Variants in SOX5 observed in about 807,000 individuals in gnomAD.
SOX5 encodes transcription factor SOX-5.
A neutral mutation model predicts 92.0 loss-of-function variants in SOX5; 9 were observed. That is an observed-to-expected ratio of 0.10 (90% CI 0.06 to 0.17). The LOEUF (loss-of-function observed/expected upper bound fraction) is 0.17, where lower values mean the gene tolerates loss of function less well. Ranked by LOEUF, SOX5 falls within the 10% of genes least tolerant of loss-of-function variation. The pLI is 1.00. For missense variants in SOX5, 642 were observed against 944.5 expected, an observed-to-expected ratio of 0.68 and a Z score of 4.20; for synonymous variants, 344 against 336.3, an observed-to-expected ratio of 1.02 and a Z score of -0.25.
At chr12:23,978,968 A>G (rs1326013156) in intron 4 of SOX5, among the ~76,000 whole-genome samples, 1 of 152,156 alleles carries the variant, frequency 6.6e-6, no homozygotes, top group Non-Finnish European at 1.5e-5. Flanking sequence ...GCCTTTCTGA[A>G]CTTAAATATT....
chr12:23,767,215 AACACACACACAC>A (rs35485466), intron 3 of SOX5, among the ~76,000 whole-genome samples: 7 of 137,896 alleles, frequency 5.1e-5, no homozygotes, highest in South Asian at 2.5e-4. Flanking sequence ...AAAAAACAGA[AACACACACACAC>A]ACACACACAC....
At chr12:24,095,686 C>T (rs963632355) in intron 4 of SOX5, among the ~76,000 whole-genome samples, 3 of 152,092 alleles carry the variant, frequency 2.0e-5, no homozygotes, top group Admixed American at 6.6e-5. Context: ...CCAGAATCCC[C>T]GCGTGTCAAA....
chr12:23,640,038 T>C (rs1415023481), intron 8 of SOX5, among the ~76,000 whole-genome samples: 2 of 152,208 alleles, frequency 1.3e-5, no homozygotes, highest in Non-Finnish European at 2.9e-5. Context: ...AATCCTATTA[T>C]TAGATAATTT....
At chr12:24,476,388 G>A (rs1054193384) in intron 1 of SOX5, among the ~76,000 whole-genome samples, 1 of 152,140 alleles carries the variant, frequency 6.6e-6, no homozygotes, top group Non-Finnish European at 1.5e-5. Context: ...TTTGCAAAGC[G>A]CTCATGTAGA....
At chr12:24,357,497 C>T (rs184850528) in intron 2 of SOX5, 15 of 152,278 alleles carry the variant, frequency 9.9e-5, no homozygotes, top group Admixed American at 7.8e-4. Flanking sequence ...AGGGAAAATG[C>T]TACAGAAATT....
At chr12:23,584,102 C>T (rs1476128984) in intron 9 of SOX5, among the ~76,000 whole-genome samples, 1 of 152,030 alleles carries the variant, frequency 6.6e-6, no homozygotes, top group Non-Finnish European at 1.5e-5. Context: ...CTGGAATCTA[C>T]AAAAGGAATT....
intron 4 of SOX5, among the ~76,000 whole-genome samples, chr12:24,168,712 A>G (rs1309253272): frequency 6.6e-6 from 1 of 152,196 alleles, no homozygotes; most frequent in African/African-American, 2.4e-5. Context: ...TTGGAATATA[A>G]TAGAGAATAG....
intron 4 of SOX5, among the ~76,000 whole-genome samples, chr12:24,192,937 A>T (rs981704274): frequency 6.6e-6 from 1 of 152,152 alleles, no homozygotes; most frequent in Non-Finnish European, 1.5e-5. Flanking sequence ...TTTGTCTTTT[A>T]TATGTGTCTC....
chr12:24,556,022 C>T lies in SOX5; in HGVS notation c.-251+6307G>A, dbSNP rs147981672. Reference sequence around the variant, plus strand: ...ATTCTTTCAAGATAGGTGACTCTTCCAATGGCTGACTCTTATTTGCCTAGC... The same window carrying T: ...ATTCTTTCAAGATAGGTGACTCTTCTAATGGCTGACTCTTATTTGCCTAGC... On this transcript the variant is annotated intron_variant, in intron 1 of 4. Transcript: ENST00000446891. Among the ~76,000 whole-genome samples the T allele has an allele frequency of 2.8e-4, 42 of 152,294 alleles. No individual in the cohort carries two copies. The East Asian group carries it at 5.2e-3, about 19-fold the overall frequency.
In SOX5 at chr12:24,302,815, G is replaced by A. The variant is rs147160297; in HGVS notation, c.-173-25503C>T. Among the ~76,000 whole-genome samples the A allele has an allele frequency of 5.8e-3, 881 of 152,170 alleles. 10 individuals carry two copies. Among genetic ancestry groups the A allele is most frequent in the African/African-American group, 0.02 (839 of 41,520 alleles). ...ATTAACTAGGGACAGGGTCCAATGC[G>A]TCACAATGGGACATATCAAAAGCCA... On this transcript the variant is annotated intron_variant, in intron 2 of 4. Coordinates refer to the SOX5 transcript ENST00000446891.
chr12:24,451,674 G>A (rs550238736), intron 1 of SOX5, among the ~76,000 whole-genome samples: 134 of 152,232 alleles, frequency 8.8e-4, no homozygotes, highest in Middle Eastern at 3.4e-3. Flanking sequence ...GAAGTCTGCA[G>A]GTCTGTAGAC....
intron 6 of SOX5, among the ~76,000 whole-genome samples, chr12:23,687,940 C>G: frequency 6.6e-6 from 1 of 151,564 alleles, no homozygotes; most frequent in East Asian, 1.9e-4. Context: ...CCACTGATCA[C>G]CTTTCACATA....
Position 23,896,015 on chromosome 12 carries a change from G to C in SOX5, c.48C>G (p.Ser16=), listed in dbSNP as rs1368770177. Residue 16 remains serine (S), a synonymous_variant, in exon 2 of 15, where the codon TCC becomes TCG. Coordinates refer to ENST00000451604, the MANE Select transcript of SOX5 (RefSeq NM_006940.6). The part of the protein sequence containing the change: ...DLPQEFERMS[S]KRPASPYGEA... ...CCCCATACGGAGAGGCTGGTCGCTT[G>C]GAAGACATCCTGGAAGGAACAAAAG... 1 of 1,610,796 alleles carries C rather than the reference G, an allele frequency of 6.2e-7. No homozygotes were observed. Among genetic ancestry groups the C allele is most frequent in the African/African-American group, 1.3e-5 (1 of 74,920 alleles).
chr12:23,867,492 G>A (rs1459634235), intron 2 of SOX5, among the ~76,000 whole-genome samples: 1 of 152,134 alleles, frequency 6.6e-6, no homozygotes, highest in African/African-American at 2.4e-5. Context: ...CTAATGCCAA[G>A]TTTAAAATTC....
chr12:24,512,827 G>A (rs754049572), intron 1 of SOX5, among the ~76,000 whole-genome samples: 2 of 152,058 alleles, frequency 1.3e-5, no homozygotes, highest in Non-Finnish European at 2.9e-5. Context: ...TGTCAACCAG[G>A]GACTATAATC....
intron 3 of SOX5, among the ~76,000 whole-genome samples, chr12:23,803,752 C>G (rs2095707491): frequency 6.6e-6 from 1 of 152,154 alleles, no homozygotes; most frequent in South Asian, 2.1e-4. Flanking sequence ...AAAAAATGAG[C>G]ACAGACATAT....
intron 1 of SOX5, among the ~76,000 whole-genome samples, chr12:24,373,285 A>C (rs1272937658): frequency 6.6e-6 from 1 of 152,160 alleles, no homozygotes; most frequent in Non-Finnish European, 1.5e-5. Flanking sequence ...CTTTCTATTC[A>C]CTTACTGCAA....
intron 3 of SOX5, among the ~76,000 whole-genome samples, chr12:23,814,448 G>C (rs899549505): frequency 6.6e-6 from 1 of 152,202 alleles, no homozygotes. Flanking sequence ...GTACAACAGA[G>C]AAGCAGGACC....
chr12:23,887,925 G>GTCTGTGTGTC (rs1568648652), intron 2 of SOX5, among the ~76,000 whole-genome samples: 1 of 151,110 alleles, frequency 6.6e-6, no homozygotes, highest in Non-Finnish European at 1.5e-5. Context: ...ATATGTGTGT[G>GTCTGTGTGTC]TGTGTGTGTG....
Sources: allele counts gnomAD v4.1 joint callset (sites outside exome capture counted in the v4.1 genomes callset), GRCh38; gene constraint gnomAD v4.1.1; transcripts MANE v1.5; gene names NCBI Gene and HGNC (gene_info 2026-07-23, HGNC 2026-07-21).